CNDP2: variants seen among roughly 807,000 people sequenced by gnomAD.
CNDP2 encodes the protein carnosine dipeptidase 2.
In CNDP2, 38 loss-of-function variants were observed where a neutral mutation model predicts 55.0. That is an observed-to-expected ratio of 0.69 (90% confidence interval 0.53 to 0.90). The LOEUF is 0.90. Among genes scored for constraint, CNDP2 ranks in the 40% least tolerant of loss-of-function variants. CNDP2 has a pLI of 0.00. For missense variants in CNDP2, 607 were observed against 621.7 expected (o/e 0.98, Z 0.25); for synonymous variants, 241 against 260.2 (o/e 0.93, Z 0.71).
Position 74,520,081 on chromosome 18 carries a change from G to A in CNDP2, c.*13G>A, listed in dbSNP as rs1979965629. 1.2e-6 allele frequency: 2 copies of A among 1,613,802 alleles called. No homozygotes were observed. Among genetic ancestry groups the A allele is most frequent in the Non-Finnish European group, 8.5e-7 (1 of 1,179,842 alleles). ...GCTGAAGGACTAGGCCAAGCCCTCTGTGTGCCATCTCCAATGAGAAGGAAT... is the reference window on the plus strand; with the variant it reads ...GCTGAAGGACTAGGCCAAGCCCTCTATGTGCCATCTCCAATGAGAAGGAAT... On this transcript the variant is annotated 3_prime_UTR_variant, in exon 12 of 12. Coordinates refer to ENST00000324262, the MANE Select transcript of CNDP2 (RefSeq NM_018235.3).
At chr18:74,500,796 C>T (rs1011208599) in intron 2 of CNDP2, among the ~76,000 whole-genome samples, 15 of 152,304 alleles carry the variant, frequency 9.8e-5, no homozygotes, top group Admixed American at 9.2e-4. Flanking sequence ...ATTTCTGTCC[C>T]TTTTAAGGGC....
chr18:74,520,124 CT>C lies in CNDP2; in HGVS notation c.*60del. ...GAAGGAATCCTGCCCTCACCTCACC[CT>C]TTTCCAACTTGCCCAGGGAAGTGGA... On this transcript the variant is annotated 3_prime_UTR_variant, in exon 12 of 12. Coordinates refer to ENST00000324262, the MANE Select transcript of CNDP2 (RefSeq NM_018235.3). 6.4e-7 allele frequency: 1 copy of C among 1,556,518 alleles called. No homozygotes were observed. The highest frequency in any genetic ancestry group is 8.9e-7 in the Non-Finnish European group (1 of 1,129,436).
intron 3 of CNDP2, among the ~76,000 whole-genome samples, chr18:74,503,870 G>A (rs4113942): frequency 0.089 from 8,780 of 98,242 alleles, 1,214 homozygotes; most frequent in Non-Finnish European, 0.14. Context: ...CCACACTGCC[G>A]CTGGGACAAA....
intron 4 of CNDP2, among the ~76,000 whole-genome samples, 181 bp downstream of exon 4, chr18:74,506,192 G>A (rs981820177): frequency 9.9e-5 from 15 of 152,280 alleles, no homozygotes; most frequent in African/African-American, 3.4e-4. Flanking sequence ...GGAGGGCAAT[G>A]GCAAGATCTC....
In CNDP2 at chr18:74,520,133, C is replaced by G; in HGVS notation, c.*65C>G. On this transcript the variant is annotated 3_prime_UTR_variant, in exon 12 of 12. Coordinates refer to ENST00000324262, the MANE Select transcript of CNDP2 (RefSeq NM_018235.3). ...CTGCCCTCACCTCACCCTTTTCCAA[C>G]TTGCCCAGGGAAGTGGAGGTTCCCT... is the stretch of plus-strand genomic sequence containing the variant. 6.5e-7 allele frequency: 1 copy of G among 1,530,272 alleles called. No homozygotes were observed. The highest frequency in any genetic ancestry group is 9.0e-7 in the Non-Finnish European group (1 of 1,106,514). 94.8% of individuals were successfully genotyped at this position (1,530,272 alleles called of 1,614,324 possible).
chr18:74,505,555 C>T (rs1051681045), intron 3 of CNDP2, among the ~76,000 whole-genome samples: 11 of 150,654 alleles, frequency 7.3e-5, no homozygotes, highest in East Asian at 1.9e-4. Flanking sequence ...GCTGGGATCA[C>T]GCCACTGCGC....
rs200521535 is a variant in CNDP2, at chr18:74,519,071, C to A, written c.1333C>A (p.His445Asn). 1 of 1,610,780 alleles carries A rather than the reference C, an allele frequency of 6.2e-7. No homozygotes were observed. Among genetic ancestry groups the A allele is most frequent in the Non-Finnish European group, 8.5e-7 (1 of 1,177,348 alleles). ...LPVGSADDGAHSQNEKLNRYN... is the reference protein window; with the variant it reads ...LPVGSADDGANSQNEKLNRYN... ...TGTGGGGTCAGCGGATGACGGAGCCCACTCCCAGAATGAAAAGCTCAACAG... is the reference window on the plus strand; with the variant it reads ...TGTGGGGTCAGCGGATGACGGAGCCAACTCCCAGAATGAAAAGCTCAACAG... The change falls in exon 11 of 12, where the codon CAC becomes AAC. Residue 445 changes from histidine (H) to asparagine (N), a missense_variant. Physicochemically the swap from His to Asn is moderately conservative, Grantham distance 68. Coordinates refer to ENST00000324262, the MANE Select transcript of CNDP2 (RefSeq NM_018235.3).
At chr18:74,513,351 G>T (rs1205119250) in intron 7 of CNDP2, among the ~76,000 whole-genome samples, 8 of 152,102 alleles carry the variant, frequency 5.3e-5, no homozygotes, top group Non-Finnish European at 1.0e-4. Context: ...CCCGGACGGT[G>T]CCTGACAGGC....
At chr18:74,508,747 T>C (rs1979173565) in intron 4 of CNDP2, 93 bp from the exon 5 acceptor site, 1 of 971,308 alleles carries the variant, frequency 1.0e-6, no homozygotes, top group Non-Finnish European at 1.6e-6. Context: ...TCGTGTTTGC[T>C]TGGCTAAGGG....
At chr18:74,509,190 G>A (rs1269348527) in intron 5 of CNDP2, 3 of 463,858 alleles carry the variant, frequency 6.5e-6, no homozygotes, top group South Asian at 3.3e-5. Flanking sequence ...GCCACCGCAT[G>A]AAATGTGACT....
Position 74,511,011 on chromosome 18 carries a change from G to A in CNDP2, c.655G>A (p.Glu219Lys), listed in dbSNP as rs1164764388. 9.3e-6 allele frequency: 15 copies of A among 1,613,276 alleles called. No homozygotes were observed. Among genetic ancestry groups the A allele is most frequent in the Admixed American group, 5.0e-5 (3 of 59,964 alleles). ...GLRGICYFFI[E>K]VECSNKDLHS... ...CAGGGGCATTTGCTACTTTTTCATC[G>A]AGGTACAGTGCCAAGCTGTACGGGT... The change falls in exon 6 of 12, where the codon GAG becomes AAG. Residue 219 changes from glutamate (E) to lysine (K), a missense_variant and splice_region_variant. Transcript: ENST00000324262.
chr18:74,516,387 G>C lies in CNDP2; in HGVS notation c.1063G>C (p.Glu355Gln). 1 of 1,608,706 alleles carries C rather than the reference G, an allele frequency of 6.2e-7. No individual in the cohort carries two copies. The highest frequency in any genetic ancestry group is 8.5e-7 in the Non-Finnish European group (1 of 1,176,898). The change falls in exon 9 of 12, where the codon GAG (glutamate) becomes CAG (glutamine). Residue 355 changes from glutamate (E) to glutamine (Q), a missense_variant. Physicochemically the swap from Glu to Gln is conservative, Grantham distance 29. Transcript: ENST00000324262. ...VPNMTPEVVG[E>Q]QVTSYLTKKF... ...GAACATGACTCCTGAAGTCGTCGGC[G>C]AGCAGGCATGTGGGGCTGGGACACG...
chr18:74,498,995 C>G (rs1316448576), intron 1 of CNDP2, among the ~76,000 whole-genome samples: 2 of 152,188 alleles, frequency 1.3e-5, no homozygotes, highest in Admixed American at 1.3e-4. Flanking sequence ...AGTCACCTCT[C>G]TGTTGAGAAA....
intron 3 of CNDP2, among the ~76,000 whole-genome samples, chr18:74,504,234 G>A (rs960133817): frequency 1.4e-5 from 2 of 146,890 alleles, no homozygotes; most frequent in African/African-American, 5.0e-5. Context: ...CGCCACACAC[G>A]CAGCCACAGT....
intron 7 of CNDP2, 101 bp downstream of exon 7, chr18:74,512,633 A>G (rs79083131): frequency 0.022 from 20,879 of 955,090 alleles, 340 homozygotes; most frequent in South Asian, 0.056. Flanking sequence ...AGCATTCCAC[A>G]TGAACCAACT....
In CNDP2 at chr18:74,510,933, A is replaced by G. The variant is rs756663501; in HGVS notation, c.577A>G (p.Ile193Val). 1.5e-5 allele frequency: 24 copies of G among 1,614,060 alleles called. No individual in the cohort carries two copies. The Admixed American group carries it at 2.7e-4, about 18-fold the overall frequency. Residue 193 changes from isoleucine (I) to valine (V), a missense_variant, in exon 6 of 12, where the codon ATT becomes GTT. Ile to Val is a conservative substitution (Grantham distance 29). Transcript: ENST00000324262. ...CTTTAAGGATGTGGACTATGTCTGC[A>G]TTTCTGACAATTACTGGCTGGGAAA... is the stretch of plus-strand genomic sequence containing the variant. ...TFFKDVDYVC[I>V]SDNYWLGKKK...
At chr18:74,517,224 A>T (rs1979728291) in intron 9 of CNDP2, 2 of 152,192 alleles carry the variant, frequency 1.3e-5, no homozygotes, top group Non-Finnish European at 2.9e-5. Context: ...GAAAGAGAAA[A>T]AAAAACTACT....
In CNDP2 at chr18:74,522,219, C is replaced by G. The variant is rs1311392413; in HGVS notation, c.*2151C>G. 2 of 151,842 alleles carry G rather than the reference C, an allele frequency of 1.3e-5. No individual in the cohort carries two copies. The highest frequency in any genetic ancestry group is 2.9e-5 in the Non-Finnish European group (2 of 68,022). 9.4% of individuals were successfully genotyped at this position (151,842 alleles called of 1,614,324 possible). A position where few individuals can be genotyped will look rare whatever the true frequency, so the allele number is the denominator to read the frequency against. ...TCAAAGTAAAAACAAAAAAAGAAGA[C>G]AAGGGTAGCGGCTTCAGGTACAGCT... On this transcript the variant is annotated 3_prime_UTR_variant, in exon 12 of 12. Transcript: ENST00000324262.
intron 5 of CNDP2, chr18:74,509,193 A>G: frequency 2.2e-6 from 1 of 455,502 alleles, no homozygotes. Context: ...ACCGCATGAA[A>G]TGTGACTTTT....
Sources: allele counts gnomAD v4.1 joint callset (sites outside exome capture counted in the v4.1 genomes callset), GRCh38; gene constraint gnomAD v4.1.1; transcripts MANE v1.5; gene names NCBI Gene and HGNC (gene_info 2026-07-23, HGNC 2026-07-21).